Variants in PPARGC1A observed in about 807,000 individuals in gnomAD.
PPARGC1A encodes PPARG coactivator 1 alpha.
In PPARGC1A, 25 loss-of-function variants were observed where a neutral mutation model predicts 88.7. That is an observed-to-expected ratio of 0.28 (90% CI 0.21 to 0.39). The LOEUF is 0.39. Ranked by LOEUF, PPARGC1A falls within the 10% of genes least tolerant of loss-of-function variation. The pLI, the probability that PPARGC1A is intolerant of heterozygous loss-of-function variation, is 1.00. For synonymous variants in PPARGC1A, 363 were observed against 355.6 expected (o/e 1.02, Z -0.24); for missense variants, 880 against 968.7 (o/e 0.91, Z 1.22).
At chr4:24,032,603 G>A in the PPARGC1A span, among the ~76,000 whole-genome samples, 31 of 152,320 alleles carry the variant, frequency 2.0e-4, no homozygotes, top group Middle Eastern at 3.4e-3. Context: ...TGGAGTTGAC[G>A]AGGTTCATCT....
At chr4:24,309,009 A>G in the PPARGC1A span, among the ~76,000 whole-genome samples, 1 of 152,164 alleles carries the variant, frequency 6.6e-6, no homozygotes, top group African/African-American at 2.4e-5. Flanking sequence ...GAGTTCATAC[A>G]TTAAAGAAGG....
At chr4:24,062,661 C>A in the PPARGC1A span, among the ~76,000 whole-genome samples, 2 of 152,200 alleles carry the variant, frequency 1.3e-5, no homozygotes, top group African/African-American at 2.4e-5. Context: ...TTCGTCAGAG[C>A]TTTACAAGTG....
chr4:23,972,457 T>C, the PPARGC1A span, among the ~76,000 whole-genome samples: 1 of 152,196 alleles, frequency 6.6e-6, no homozygotes, highest in African/African-American at 2.4e-5. Context: ...TAACTGAAAT[T>C]TTTATTAAAC....
the PPARGC1A span, among the ~76,000 whole-genome samples, chr4:24,248,218 G>A: frequency 2.6e-5 from 4 of 151,924 alleles, no homozygotes; most frequent in African/African-American, 7.3e-5. Context: ...TCCGCCTCCC[G>A]GGTTCACGCC....
At chr4:24,333,815 C>A in the PPARGC1A span, among the ~76,000 whole-genome samples, 2 of 146,876 alleles carry the variant, frequency 1.4e-5, no homozygotes, top group Non-Finnish European at 3.0e-5. Flanking sequence ...GTGCCTGTAA[C>A]CCCATCTACT....
At position 23,797,858 on chromosome 4, in the gene PPARGC1A, C is replaced by T. The variant is rs184189815; in HGVS notation, c.2294-1933G>A. 4.6e-5 allele frequency among the ~76,000 whole-genome samples: 7 copies of T among 152,328 alleles called. No individual in the cohort carries two copies. In the East Asian group the frequency reaches 1.3e-3, roughly 29 times the overall value. On this transcript the variant is annotated intron_variant, in intron 12 of 12. Coordinates refer to ENST00000264867, the MANE Select transcript of PPARGC1A (RefSeq NM_013261.5). ...TAAAAATGTTATAGGTGTCAGGCCT[C>T]TGAGCCCAAGCTAAGCCATCATATC...
At chr4:24,435,931 G>A in the PPARGC1A span, among the ~76,000 whole-genome samples, 1 of 152,146 alleles carries the variant, frequency 6.6e-6, no homozygotes, top group South Asian at 2.1e-4. Context: ...ATACTGAGCT[G>A]TTAAAAAAAT....
chr4:23,890,602 C>CTTTTTTTTTTTTTTTTTTTTTTTT (rs56855205), upstream of PPARGC1A, among the ~76,000 whole-genome samples: 1 of 103,230 alleles, frequency 9.7e-6, no homozygotes, highest in African/African-American at 3.6e-5. Context: ...GCAAACGGGG[C>CTTTTTTTTTTTTTTTTTTTTTTTT]TTTTTTTTTT....
chr4:24,355,712 AC>A, the PPARGC1A span, among the ~76,000 whole-genome samples: 8 of 152,202 alleles, frequency 5.3e-5, no homozygotes, highest in Non-Finnish European at 1.2e-4. Flanking sequence ...AAGTGCCAGC[AC>A]ACACCAGTCA....
chr4:24,145,292 C>G, the PPARGC1A span, among the ~76,000 whole-genome samples: 1 of 152,272 alleles, frequency 6.6e-6, no homozygotes, highest in Admixed American at 6.5e-5. Flanking sequence ...TGGCTTCAAA[C>G]CCACCCTGCA....
At chr4:24,331,786 T>TA in the PPARGC1A span, among the ~76,000 whole-genome samples, 17 of 149,444 alleles carry the variant, frequency 1.1e-4, no homozygotes, top group East Asian at 2.0e-4. Flanking sequence ...TATATATATA[T>TA]TTTAAGTTCT....
chr4:23,850,470 G>A (rs1729088010), intron 2 of PPARGC1A, among the ~76,000 whole-genome samples: 1 of 152,188 alleles, frequency 6.6e-6, no homozygotes, highest in Admixed American at 6.5e-5. Flanking sequence ...TTTCTATAAA[G>A]TACAAGCATG....
At chr4:23,972,620 A>C in the PPARGC1A span, among the ~76,000 whole-genome samples, 2 of 152,218 alleles carry the variant, frequency 1.3e-5, no homozygotes, top group Admixed American at 1.3e-4. Flanking sequence ...TTACTGAAAA[A>C]TCAAACTACT....
the PPARGC1A span, among the ~76,000 whole-genome samples, chr4:24,395,996 T>A: frequency 6.6e-6 from 1 of 152,230 alleles, no homozygotes; most frequent in Non-Finnish European, 1.5e-5. Flanking sequence ...CTTCCAAGCC[T>A]TCACACTGGC....
chr4:24,098,491 T>G, the PPARGC1A span, among the ~76,000 whole-genome samples: 8 of 152,154 alleles, frequency 5.3e-5, no homozygotes, highest in African/African-American at 1.9e-4. Flanking sequence ...AAGAACATAA[T>G]AAACCAGGAA....
the PPARGC1A span, among the ~76,000 whole-genome samples, chr4:24,142,468 G>T: frequency 2.6e-5 from 4 of 152,024 alleles, no homozygotes; most frequent in Non-Finnish European, 5.9e-5. Flanking sequence ...GAGCTCAGGA[G>T]TTTGAGACTA....
At chr4:23,840,458 C>A (rs575937822) in intron 2 of PPARGC1A, among the ~76,000 whole-genome samples, 5 of 152,084 alleles carry the variant, frequency 3.3e-5, no homozygotes, top group Admixed American at 6.6e-5. Context: ...CTAGAAGGTT[C>A]TTCTGCCAGA....
chr4:24,161,347 C>A, the PPARGC1A span, among the ~76,000 whole-genome samples: 1 of 152,198 alleles, frequency 6.6e-6, no homozygotes, highest in African/African-American at 2.4e-5. Context: ...CATCACAATT[C>A]ATCCCTGCCT....
the PPARGC1A span, among the ~76,000 whole-genome samples, chr4:23,978,961 T>C: frequency 2.6e-5 from 4 of 152,042 alleles, no homozygotes; most frequent in South Asian, 4.2e-4. Flanking sequence ...ATATGCAACA[T>C]AGAAACAAGT....
Sources: allele counts gnomAD v4.1 joint callset (sites outside exome capture counted in the v4.1 genomes callset), GRCh38; gene constraint gnomAD v4.1.1; transcripts MANE v1.5; gene names NCBI Gene and HGNC (gene_info 2026-07-23, HGNC 2026-07-21).